COL15A1: variants seen among roughly 807,000 people sequenced by gnomAD.
COL15A1 encodes collagen alpha-1(XV) chain.
In COL15A1, 111 loss-of-function variants were observed where a neutral mutation model predicts 165.9. The observed-to-expected ratio is 0.67, with a 90% confidence interval of 0.57 to 0.78. COL15A1 has a LOEUF of 0.78. Among genes scored for constraint, COL15A1 ranks in the 30% least tolerant of loss-of-function variants. The pLI, the probability that COL15A1 is intolerant of heterozygous loss-of-function variation, is 0.00. For missense variants in COL15A1, 1,745 were observed against 1,789.7 expected (o/e 0.98, Z 0.45); for synonymous variants, 659 against 674.8 (o/e 0.98, Z 0.36).
intron 13 of COL15A1, 25 bp from the exon 14 acceptor site, chr9:99,023,332 T>TCTTGTCCTTGG (rs1839059099): frequency 6.3e-7 from 1 of 1,580,062 alleles, no homozygotes; most frequent in East Asian, 2.3e-5. Flanking sequence ...TAAATGCAAG[T>TCTTGTCCTTGG]AGTGGAAATT....
intron 2 of COL15A1, among the ~76,000 whole-genome samples, chr9:98,983,656 G>A (rs772112013): frequency 1.3e-5 from 2 of 152,212 alleles, no homozygotes; most frequent in Admixed American, 6.5e-5. Flanking sequence ...TGCTGCAGGC[G>A]TGATTATCCC....
At chr9:99,020,704 A>G (rs568031722) in intron 12 of COL15A1, among the ~76,000 whole-genome samples, 79 of 152,314 alleles carry the variant, frequency 5.2e-4, no homozygotes, top group African/African-American at 1.8e-3. Flanking sequence ...GTCGAGTATC[A>G]AAGGGTCCTA....
At chr9:99,027,143 C>G (rs1425120364) in intron 16 of COL15A1, among the ~76,000 whole-genome samples, 1 of 152,150 alleles carries the variant, frequency 6.6e-6, no homozygotes, top group East Asian at 1.9e-4. Flanking sequence ...TGAGATAAGC[C>G]ATGTCTGTCA....
intron 2 of COL15A1, among the ~76,000 whole-genome samples, chr9:98,951,805 T>C (rs1050056760): frequency 6.6e-6 from 1 of 152,120 alleles, no homozygotes; most frequent in Non-Finnish European, 1.5e-5. Flanking sequence ...CAATTCACCC[T>C]TCTTGACCTC....
In COL15A1 at chr9:99,035,095, G is replaced by A. The variant is rs1165092499; in HGVS notation, c.2161G>A (p.Gly721Arg). The A allele has an allele frequency of 1.9e-6, 3 of 1,610,784 alleles. No homozygotes were observed. Among genetic ancestry groups the A allele is most frequent in the Non-Finnish European group, 2.5e-6 (3 of 1,177,512 alleles). ...CCCTCCTGGGGTCATGGGACCCCCA[G>A]GGCCTCCTGGACCCCCTGGGCCCCC... ...AGPPGVMGPP[G>R]PPGPPGPPGP... is the part of the protein sequence containing the mutation. The change falls in exon 18 of 42, where the codon GGG becomes AGG. Residue 721 changes from glycine to arginine, a missense_variant. Gly to Arg is a moderately radical substitution (Grantham distance 125, BLOSUM62 -2). Coordinates refer to ENST00000375001, the MANE Select transcript of COL15A1 (RefSeq NM_001855.5).
At chr9:98,958,160 C>A (rs538544991) in intron 2 of COL15A1, among the ~76,000 whole-genome samples, 1 of 152,270 alleles carries the variant, frequency 6.6e-6, no homozygotes, top group Non-Finnish European at 1.5e-5. Context: ...CATTCCTTTG[C>A]TCTTCTTCTG....
chr9:98,987,962 A>G (rs1047685796), intron 4 of COL15A1, among the ~76,000 whole-genome samples: 7 of 72,522 alleles, frequency 9.7e-5, no homozygotes, highest in Non-Finnish European at 1.6e-4. Flanking sequence ...AGATCCTCAA[A>G]CCCAAACTCA....
rs140851301 is a variant in COL15A1, at chr9:99,054,576, G to C, written c.2951G>C (p.Gly984Ala). ...PGSPELITFH[G>A]VKGEKGSWGL... ...TTAACATGTATGTGTTTGGTGGCAG[G>C]TGTTAAAGGAGAGAAAGGATCCTGG... is the stretch of plus-strand genomic sequence containing the variant. The change falls in exon 32 of 42, where the codon GGT becomes GCT. Residue 984 changes from glycine (G) to alanine (A), a missense_variant and splice_region_variant. Transcript: ENST00000375001. The C allele has an allele frequency of 3.1e-4, 499 of 1,610,152 alleles. 1 individual carries two copies. Among genetic ancestry groups the C allele is most frequent in the South Asian group, 2.4e-3 (220 of 90,400 alleles).
At chr9:99,029,532 TA>T (rs1261864709) in intron 16 of COL15A1, among the ~76,000 whole-genome samples, 1 of 152,254 alleles carries the variant, frequency 6.6e-6, no homozygotes, top group African/African-American at 2.4e-5. Flanking sequence ...ACAACATGTT[TA>T]AATGAAACAC....
intron 2 of COL15A1, among the ~76,000 whole-genome samples, chr9:98,970,934 T>C (rs1294548221): frequency 6.6e-6 from 1 of 152,148 alleles, no homozygotes; most frequent in Non-Finnish European, 1.5e-5. Context: ...TGTATGAGTG[T>C]GTGTTATGAG....
At chr9:98,957,173 A>C (rs1837790924) in intron 2 of COL15A1, among the ~76,000 whole-genome samples, 1 of 152,232 alleles carries the variant, frequency 6.6e-6, no homozygotes, top group African/African-American at 2.4e-5. Context: ...CGTCCTCAAA[A>C]GTGGAAAAGG....
At chr9:99,057,436 A>T (rs1825737167) in intron 35 of COL15A1, among the ~76,000 whole-genome samples, 1 of 152,248 alleles carries the variant, frequency 6.6e-6, no homozygotes, top group Admixed American at 6.5e-5. Context: ...CATCCTTTAG[A>T]GCCTCACCTC....
rs142503582 is a variant in COL15A1, at chr9:99,057,223, A to G, written c.3337+819A>G. 1.5e-3 allele frequency among the ~76,000 whole-genome samples: 233 copies of G among 152,250 alleles called. 4 individuals are homozygous for G. The highest frequency in any genetic ancestry group is 0.012 in the Admixed American group (186 of 15,282). On this transcript the variant is annotated intron_variant, in intron 35 of 41. Transcript: ENST00000375001. The stretch of plus-strand genomic sequence containing the variant: ...TCCCATATTATGGTATCCTCATTGT[A>G]TCTTTTTGATTATAGCCATCCTACT...
chr9:99,069,976 T>C lies in COL15A1; in HGVS notation c.*90T>C. 7 of 973,478 alleles carry C rather than the reference T, an allele frequency of 7.2e-6. No individual in the cohort carries two copies. Among genetic ancestry groups the C allele is most frequent in the Admixed American group, 4.6e-5 (1 of 21,508 alleles). 60.3% of individuals were successfully genotyped at this position (973,478 alleles called of 1,614,324 possible). A position where few individuals can be genotyped will look rare whatever the true frequency, so the allele number is the denominator to read the frequency against. On this transcript the variant is annotated 3_prime_UTR_variant, in exon 42 of 42. Transcript: ENST00000375001. ...CTAAAATGTTTAATTGTTGTAAATA[T>C]TACAGTTTTTTTTTTTTACTACATA...
chr9:99,038,517 G>C (rs1340894188), intron 21 of COL15A1, 151 bp from the exon 22 acceptor site: 1 of 567,112 alleles, frequency 1.8e-6, no homozygotes, highest in African/African-American at 1.8e-5. Context: ...AGAAGGGGGA[G>C]GGAGAGCTGT....
At chr9:98,988,991 G>A (rs1041212837) in intron 4 of COL15A1, among the ~76,000 whole-genome samples, 187 bp from the exon 5 acceptor site, 10 of 149,238 alleles carry the variant, frequency 6.7e-5, no homozygotes, top group Admixed American at 2.7e-4. Context: ...CTGCACACAC[G>A]CTGTCTCCTT....
chr9:98,953,321 G>A (rs2118767437), intron 2 of COL15A1, among the ~76,000 whole-genome samples: 1 of 152,260 alleles, frequency 6.6e-6, no homozygotes, highest in South Asian at 2.1e-4. Context: ...GAGAGGAAAA[G>A]TCTAGGGTTA....
At position 99,053,164 on chromosome 9, in the gene COL15A1, C is replaced by A. The variant is rs565508002; in HGVS notation, c.2950+731C>A. On this transcript the variant is annotated intron_variant, in intron 31 of 41. Transcript: ENST00000375001. ...CTGCAGGTGAGCAGTCACTCTGGTC[C>A]CCCTGTCCTCACACACCCTGTCACG... is the stretch of plus-strand genomic sequence containing the variant. 3.9e-5 allele frequency among the ~76,000 whole-genome samples: 6 copies of A among 152,310 alleles called. No individual in the cohort carries two copies. In the South Asian group the frequency reaches 8.3e-4, roughly 21 times the overall value.
At chr9:99,028,496 C>A (rs1027468890) in intron 16 of COL15A1, among the ~76,000 whole-genome samples, 10 of 151,928 alleles carry the variant, frequency 6.6e-5, no homozygotes, top group Non-Finnish European at 1.2e-4. Flanking sequence ...ACTAAAAATA[C>A]AAAAATTAGC....
Sources: allele counts gnomAD v4.1 joint callset (sites outside exome capture counted in the v4.1 genomes callset), GRCh38; gene constraint gnomAD v4.1.1; transcripts MANE v1.5; gene names NCBI Gene and HGNC (gene_info 2026-07-23, HGNC 2026-07-21).